Variants in ANXA3 observed in about 807,000 individuals in gnomAD.
ANXA3 encodes annexin A3, also known as 35-alpha calcimedin.
In ANXA3, 46 loss-of-function variants were observed where a neutral mutation model predicts 48.8. That is an observed-to-expected ratio of 0.94 (90% confidence interval 0.74 to 1.21). The LOEUF (loss-of-function observed/expected upper bound fraction) is 1.21, where lower values mean the gene tolerates loss of function less well. ANXA3 is among the 50% of genes most tolerant of loss of function. The pLI, the probability that ANXA3 is intolerant of heterozygous loss-of-function variation, is 0.00. For synonymous variants in ANXA3, 128 were observed against 134.7 expected, an observed-to-expected ratio of 0.95 and a Z score of 0.35; for missense variants, 383 against 378.6, an observed-to-expected ratio of 1.01 and a Z score of -0.10.
chr4:78,554,596 G>A, intron 2 of ANXA3, 108 bp downstream of exon 2: 2 of 936,844 alleles, frequency 2.1e-6, no homozygotes, highest in Admixed American at 1.8e-5. Context: ...AAGTTTATCT[G>A]GCAAAATTAA....
Position 78,586,363 on chromosome 4 carries a change from C to T in ANXA3, c.403+13C>T. ...GCCTATTATACAGGTGTCTTATTTT[C>T]TGCTTACCTTCACCACTGTTCACAC... On this transcript the variant is annotated intron_variant, in intron 6 of 12. Transcript: ENST00000264908. The T allele has an allele frequency of 6.3e-7, 1 of 1,589,122 alleles. No homozygotes were observed. The highest frequency in any genetic ancestry group is 8.6e-7 in the Non-Finnish European group (1 of 1,159,864).
chr4:78,597,766 C>T (rs1723451472), intron 10 of ANXA3, among the ~76,000 whole-genome samples: 1 of 152,058 alleles, frequency 6.6e-6, no homozygotes, highest in African/African-American at 2.4e-5. Context: ...GCATGTATAC[C>T]ACCTGGCCCA....
chr4:78,584,965 T>C (rs902280112), intron 5 of ANXA3, among the ~76,000 whole-genome samples: 3 of 152,140 alleles, frequency 2.0e-5, no homozygotes, highest in Non-Finnish European at 4.4e-5. Context: ...GGGGAGCCCC[T>C]GAGCAAAGAC....
chr4:78,604,320 C>T lies in ANXA3; in HGVS notation c.833C>T (p.Ser278Phe), dbSNP rs746098779. The stretch of plus-strand genomic sequence containing the variant: ...TTTACTCTGAACCGAATAATGGTGT[C>T]CAGATCAGAAATTGACCTTTTGGAC... The part of the protein sequence containing the change: ...DEFTLNRIMV[S>F]RSEIDLLDIR... The change falls in exon 12 of 13, where the codon TCC (serine) becomes TTC (phenylalanine). Residue 278 changes from serine (S) to phenylalanine (F), a missense_variant. Physicochemically the swap from Ser to Phe is radical, Grantham distance 155 (BLOSUM62 -2). Transcript: ENST00000264908. The T allele has an allele frequency of 1.9e-6, 3 of 1,613,184 alleles. No individual in the cohort carries two copies. The highest frequency in any genetic ancestry group is 2.5e-6 in the Non-Finnish European group (3 of 1,179,372).
intron 6 of ANXA3, among the ~76,000 whole-genome samples, chr4:78,589,272 A>C (rs1241514772): frequency 1.3e-5 from 2 of 152,264 alleles, no homozygotes; most frequent in Admixed American, 6.5e-5. Flanking sequence ...ATAATAGCAC[A>C]AAGTTACCAG....
chr4:78,595,945 A>G (rs1723416767), intron 9 of ANXA3, 58 bp downstream of exon 9: 3 of 1,194,008 alleles, frequency 2.5e-6, no homozygotes, highest in South Asian at 2.6e-5. Context: ...ATGTTTTTGC[A>G]TTTAGTATAC....
intron 2 of ANXA3, 132 bp downstream of exon 2, chr4:78,554,620 C>A: frequency 2.9e-6 from 2 of 699,468 alleles, no homozygotes; most frequent in South Asian, 1.8e-5. Flanking sequence ...GCTAGAAAAG[C>A]CAGAGGATGT....
intron 4 of ANXA3, among the ~76,000 whole-genome samples, chr4:78,579,546 A>T (rs1280886408): frequency 6.6e-6 from 1 of 152,272 alleles, no homozygotes; most frequent in Non-Finnish European, 1.5e-5. Flanking sequence ...AGAATTACTA[A>T]GGAAACTATC....
Position 78,579,084 on chromosome 4 carries a change from A to T in ANXA3, c.161A>T (p.Gln54Leu), listed in dbSNP as rs777317946. 3.1e-6 allele frequency: 5 copies of T among 1,612,122 alleles called. No individual in the cohort carries two copies. The South Asian group carries it at 5.5e-5, about 18-fold the overall frequency. The change falls in exon 4 of 13, where the codon CAG becomes CTG. Residue 54 changes from glutamine (Q) to leucine (L), a missense_variant. Transcript: ENST00000264908. ...ILTERSNAQR[Q>L]LIVKEYQAAY... ...ACTGAGAGGTCAAATGCACAGCGGCAGCTGATTGTTAAGGAATATCAAGCA... is the reference window on the plus strand; with the variant it reads ...ACTGAGAGGTCAAATGCACAGCGGCTGCTGATTGTTAAGGAATATCAAGCA...
intron 6 of ANXA3, among the ~76,000 whole-genome samples, chr4:78,588,596 A>G (rs535191005): frequency 5.9e-5 from 9 of 152,196 alleles, no homozygotes; most frequent in Non-Finnish European, 1.2e-4. Context: ...CTTAAGGAGC[A>G]GGAGTTCAGA....
At chr4:78,567,040 G>A (rs969162005) in intron 2 of ANXA3, among the ~76,000 whole-genome samples, 4 of 152,160 alleles carry the variant, frequency 2.6e-5, no homozygotes, top group Admixed American at 6.5e-5. Flanking sequence ...GCATGCCTGC[G>A]GTGGTGGTGG....
At chr4:78,554,337 T>C in intron 1 of ANXA3, 99 bp from the exon 2 acceptor site, 1 of 839,090 alleles carries the variant, frequency 1.2e-6, no homozygotes, top group Non-Finnish European at 2.0e-6. Context: ...CTGTGAATGT[T>C]GACATCTGTT....
chr4:78,596,361 G>A (rs769550566), intron 9 of ANXA3, among the ~76,000 whole-genome samples: 18 of 152,192 alleles, frequency 1.2e-4, no homozygotes, highest in Admixed American at 1.0e-3. Flanking sequence ...AACTCTTATC[G>A]TCAGACCAGC....
chr4:78,575,542 C>T (rs1221891237), intron 3 of ANXA3, among the ~76,000 whole-genome samples: 2 of 146,874 alleles, frequency 1.4e-5, no homozygotes, highest in Non-Finnish European at 2.9e-5. Context: ...CCACCATCCA[C>T]GTAAGATGTG....
chr4:78,590,353 A>G (rs894016212), intron 6 of ANXA3, among the ~76,000 whole-genome samples: 1 of 152,214 alleles, frequency 6.6e-6, no homozygotes, highest in Admixed American at 6.5e-5. Flanking sequence ...CAGATTTCAT[A>G]AAAAAGAGAC....
chr4:78,588,456 G>A (rs1560447670), intron 6 of ANXA3, among the ~76,000 whole-genome samples: 2 of 152,122 alleles, frequency 1.3e-5, no homozygotes, highest in Admixed American at 6.5e-5. Flanking sequence ...GGGAACAAAA[G>A]GATTCATGCA....
chr4:78,573,728 A>G (rs1460647875), intron 3 of ANXA3, among the ~76,000 whole-genome samples: 1 of 152,232 alleles, frequency 6.6e-6, no homozygotes, highest in Non-Finnish European at 1.5e-5. Flanking sequence ...GGGGTGGAAT[A>G]GTCATGAAGA....
At chr4:78,597,472 G>T in intron 10 of ANXA3, 58 bp downstream of exon 10, 1 of 1,158,976 alleles carries the variant, frequency 8.6e-7, no homozygotes, top group Non-Finnish European at 1.3e-6. Flanking sequence ...ACTCAGTGCC[G>T]AGGCCTGCTC....
At chr4:78,600,936 ATTT>A (rs35689949) in intron 10 of ANXA3, among the ~76,000 whole-genome samples, 1 of 148,596 alleles carries the variant, frequency 6.7e-6, no homozygotes, top group African/African-American at 2.5e-5. Flanking sequence ...GAAGGATTGT[ATTT>A]TTTTTTTAAG....
Sources: allele counts gnomAD v4.1 joint callset (sites outside exome capture counted in the v4.1 genomes callset), GRCh38; gene constraint gnomAD v4.1.1; transcripts MANE v1.5; gene names NCBI Gene and HGNC (gene_info 2026-07-23, HGNC 2026-07-21).